Variants in SMC3 observed in about 807,000 individuals in gnomAD.
SMC3 encodes the protein structural maintenance of chromosomes protein 3.
In SMC3, 20 loss-of-function variants were observed where a neutral mutation model predicts 171.8. The observed-to-expected ratio is 0.12, with a 90% CI of 0.08 to 0.17. The LOEUF (loss-of-function observed/expected upper bound fraction) is 0.17, where lower values mean the gene tolerates loss of function less well. Ranked by LOEUF, SMC3 falls within the 10% of genes least tolerant of loss-of-function variation. The pLI is 1.00. For synonymous variants in SMC3, 464 were observed against 451.1 expected (o/e 1.03, Z -0.36); for missense variants, 543 against 1,420.4 (o/e 0.38, Z 9.93).
Position 110,590,571 on chromosome 10 carries a change from A to G in SMC3, c.1669A>G (p.Arg557Gly), listed in dbSNP as rs769273592. ...ATGCGTGGAAGTCACTGCTGGAAAC[A>G]GGTTAAAGCTTTTGCTTGATATTTA... ...YTCVEVTAGN[R>G]LFYHIVDSDE... The change falls in exon 16 of 29, where the codon AGG becomes GGG. Residue 557 changes from arginine to glycine, a missense_variant and splice_region_variant. Arg to Gly is a moderately radical substitution (Grantham distance 125). This residue lies in a region of SMC3 where 218 missense variants were observed against 509.6 expected (regional missense o/e 0.43). Transcript: ENST00000361804. The G allele has an allele frequency of 6.2e-7, 1 of 1,613,902 alleles. No homozygotes were observed. Among genetic ancestry groups the G allele is most frequent in the Non-Finnish European group, 8.5e-7 (1 of 1,179,784 alleles).
In SMC3 at chr10:110,600,492, A is replaced by C; in HGVS notation, c.2481A>C (p.Arg827=). Residue 827 remains arginine, a synonymous_variant, in exon 22 of 29, where the codon CGA becomes CGC. Coordinates refer to ENST00000361804, the MANE Select transcript of SMC3 (RefSeq NM_005445.4). ...TTAAATTAGAAGGTATTATTACTCG[A>C]GTAGAGACTTATCTCAATGAGAATC... is the stretch of plus-strand genomic sequence containing the variant. ...ERIKLEGIIT[R]VETYLNENLR... 7.5e-6 allele frequency: 12 copies of C among 1,599,406 alleles called. No homozygotes were observed. Among genetic ancestry groups the C allele is most frequent in the Non-Finnish European group, 1.0e-5 (12 of 1,166,650 alleles).
At chr10:110,598,932 G>T (rs994857635) in intron 20 of SMC3, among the ~76,000 whole-genome samples, 1 of 151,744 alleles carries the variant, frequency 6.6e-6, no homozygotes, top group African/African-American at 2.4e-5. Flanking sequence ...TGTCCAGATT[G>T]TATTAAAATT....
chr10:110,603,956 A>G (rs1035518874), intron 28 of SMC3, among the ~76,000 whole-genome samples: 2 of 151,972 alleles, frequency 1.3e-5, no homozygotes, highest in African/African-American at 4.8e-5. Context: ...TTAGCTGGGC[A>G]TGCTGGCGTG....
At chr10:110,600,628 A>G (rs1025253206) in intron 22 of SMC3, 82 bp downstream of exon 22, 10 of 781,302 alleles carry the variant, frequency 1.3e-5, no homozygotes, top group Non-Finnish European at 2.3e-5. Flanking sequence ...AGAGGCTCTG[A>G]TTGAAAGCAT....
intron 8 of SMC3, 39 bp from the exon 9 acceptor site, chr10:110,581,883 CT>C (rs1564789858): frequency 6.6e-7 from 1 of 1,517,292 alleles, no homozygotes; most frequent in Non-Finnish European, 9.1e-7. Flanking sequence ...ACATAAAAAT[CT>C]TATTCAATTC....
chr10:110,596,970 C>CAAAT (rs1429292260), intron 19 of SMC3, among the ~76,000 whole-genome samples: 2 of 151,046 alleles, frequency 1.3e-5, no homozygotes, highest in African/African-American at 2.4e-5. Flanking sequence ...GCTTAGAAGT[C>CAAAT]AAATATATAA....
At chr10:110,603,421 A>G in intron 28 of SMC3, 131 bp downstream of exon 28, 1 of 663,986 alleles carries the variant, frequency 1.5e-6, no homozygotes, top group Non-Finnish European at 2.6e-6. Context: ...TTGTAAAGAA[A>G]GAACTTTTCC....
intron 19 of SMC3, 40 bp from the exon 20 acceptor site, chr10:110,598,099 T>G (rs772217442): frequency 1.3e-6 from 2 of 1,582,606 alleles, no homozygotes; most frequent in Non-Finnish European, 1.7e-6. Flanking sequence ...ACATACGATA[T>G]ATTTACAACC....
intron 18 of SMC3, among the ~76,000 whole-genome samples, chr10:110,595,744 ATTTT>A (rs56285126): frequency 0.056 from 8,475 of 151,008 alleles, 754 homozygotes; most frequent in African/African-American, 0.19. Flanking sequence ...TGATTCATGA[ATTTT>A]TTTTTTTTAA....
rs554860509 is a variant in SMC3, at chr10:110,577,197, G to C, written c.199-224G>C. Among the ~76,000 whole-genome samples, 5 of 152,042 alleles carry C rather than the reference G, an allele frequency of 3.3e-5. No homozygotes were observed. In the East Asian group the frequency reaches 9.7e-4, roughly 30 times the overall value. On this transcript the variant is annotated intron_variant, in intron 4 of 28. Transcript: ENST00000361804. ...CCTAATCTAACGTCTCTGCTGTTTT[G>C]GCAAGAGGGATATATACTATAACTC...
At chr10:110,583,577 G>A (rs1861063447) in intron 11 of SMC3, 29 bp downstream of exon 11, 2 of 1,608,662 alleles carry the variant, frequency 1.2e-6, no homozygotes, top group Non-Finnish European at 1.7e-6. Context: ...AATGAAAGAT[G>A]TGAATGTTCA....
At chr10:110,591,312 C>T (rs1476152831) in intron 17 of SMC3, among the ~76,000 whole-genome samples, 180 bp downstream of exon 17, 2 of 152,110 alleles carry the variant, frequency 1.3e-5, no homozygotes, top group African/African-American at 4.8e-5. Flanking sequence ...ACAGAAGTCA[C>T]AGCTATGATT....
At chr10:110,590,221 T>C (rs1009577996) in intron 15 of SMC3, among the ~76,000 whole-genome samples, 191 bp from the exon 16 acceptor site, 2 of 152,236 alleles carry the variant, frequency 1.3e-5, no homozygotes, top group Non-Finnish European at 2.9e-5. Context: ...ACTACTGTTA[T>C]GGAACAGAGC....
chr10:110,601,545 A>G (rs1861387504), intron 23 of SMC3, 92 bp from the exon 24 acceptor site: 2 of 1,356,416 alleles, frequency 1.5e-6, no homozygotes, highest in East Asian at 2.3e-5. Context: ...CCTAAAACCT[A>G]TTTTGGTAGG....
intron 25 of SMC3, 116 bp from the exon 26 acceptor site, chr10:110,602,358 A>G (rs1861400487): frequency 2.0e-6 from 2 of 993,870 alleles, no homozygotes; most frequent in Non-Finnish European, 3.1e-6. Flanking sequence ...AGAAGGATCT[A>G]GTCTGTTATC....
chr10:110,601,287 A>G (rs1268731109), intron 23 of SMC3, among the ~76,000 whole-genome samples, 157 bp downstream of exon 23: 1 of 152,216 alleles, frequency 6.6e-6, no homozygotes, highest in Non-Finnish European at 1.5e-5. Context: ...AGTTGACTAT[A>G]AATAGTAACT....
intron 11 of SMC3, 138 bp from the exon 12 acceptor site, chr10:110,583,703 C>G (rs1861065424): frequency 9.2e-6 from 11 of 1,198,714 alleles, no homozygotes; most frequent in Non-Finnish European, 1.3e-5. Flanking sequence ...GGTACTGTCC[C>G]TTTGTTTCTT....
Position 110,604,460 on chromosome 10 carries a change from G to A in SMC3, c.*158G>A, listed in dbSNP as rs183542538. The A allele has an allele frequency of 9.7e-3, 5,862 of 606,234 alleles. 136 individuals are homozygous for A. Among genetic ancestry groups the A allele is most frequent in the Non-Finnish European group, 6.5e-3 (2,196 of 339,598 alleles). 37.6% of individuals were successfully genotyped at this position (606,234 alleles called of 1,614,324 possible). Reference sequence around the variant, plus strand: ...GTCTTTGTATTTTATAAGATACTCTGTAATGTCATGTTTGTACTGATAGTT... The same window carrying A: ...GTCTTTGTATTTTATAAGATACTCTATAATGTCATGTTTGTACTGATAGTT... On this transcript the variant is annotated 3_prime_UTR_variant, in exon 29 of 29. Coordinates refer to ENST00000361804, the MANE Select transcript of SMC3 (RefSeq NM_005445.4).
intron 5 of SMC3, 39 bp from the exon 6 acceptor site, chr10:110,577,796 A>C (rs750635536): frequency 1.4e-6 from 2 of 1,395,640 alleles, no homozygotes; most frequent in South Asian, 2.4e-5. Flanking sequence ...TTTCTCCTTT[A>C]CTATTAAATT....
Sources: allele counts gnomAD v4.1 joint callset (sites outside exome capture counted in the v4.1 genomes callset), GRCh38; gene constraint gnomAD v4.1.1; regional missense constraint gnomAD v4.1.1; transcripts MANE v1.5; gene names NCBI Gene and HGNC (gene_info 2026-07-23, HGNC 2026-07-21).